The following TAF1B variants were observed in gnomAD, a reference collection of about 807,000 sequenced individuals.
TAF1B encodes TATA box-binding protein-associated factor RNA polymerase I subunit B.
Under a neutral mutation model 83.9 loss-of-function variants are expected in TAF1B, and 61 were observed. The ratio of observed to expected loss-of-function variants is 0.73; its 90% CI spans 0.59 to 0.90. The LOEUF (loss-of-function observed/expected upper bound fraction) is 0.90, where lower values mean the gene tolerates loss of function less well. Ranked by LOEUF, TAF1B falls within the 40% of genes least tolerant of loss-of-function variation. TAF1B has a pLI of 0.00. For synonymous variants in TAF1B, 221 were observed against 224.6 expected (o/e 0.98, Z 0.14); for missense variants, 625 against 677.0 (o/e 0.92, Z 0.85).
At chr2:9,913,371 A>G (rs1665590484) in intron 12 of TAF1B, 122 bp downstream of exon 12, 2 of 707,480 alleles carry the variant, frequency 2.8e-6, no homozygotes, top group Non-Finnish European at 2.4e-6. Context: ...TTCTGGAAAT[A>G]TTAGCCCTAC....
chr2:9,913,376 C>A (rs1665590728), intron 12 of TAF1B, 127 bp downstream of exon 12: 2 of 643,766 alleles, frequency 3.1e-6, no homozygotes, highest in Non-Finnish European at 5.3e-6. Context: ...GAAATATTAG[C>A]CCTACACTCT....
At chr2:9,931,932 T>C (rs2125187987) in intron 14 of TAF1B, among the ~76,000 whole-genome samples, 1 of 152,354 alleles carries the variant, frequency 6.6e-6, no homozygotes, top group African/African-American at 2.4e-5. Context: ...CAATCACTGA[T>C]ACCCTTTCTT....
chr2:9,903,330 C>T, intron 8 of TAF1B, among the ~76,000 whole-genome samples: 1 of 152,096 alleles, frequency 6.6e-6, no homozygotes, highest in East Asian at 1.9e-4. Flanking sequence ...CATGATCCGC[C>T]CGGCTCGGCC....
At chr2:9,872,556 T>C (rs928955978) in intron 6 of TAF1B, among the ~76,000 whole-genome samples, 1 of 152,184 alleles carries the variant, frequency 6.6e-6, no homozygotes, top group Non-Finnish European at 1.5e-5. Context: ...CCTATCTGTA[T>C]GCTTTCTGAC....
chr2:9,918,363 A>G (rs1665755912), intron 12 of TAF1B, among the ~76,000 whole-genome samples: 1 of 152,168 alleles, frequency 6.6e-6, no homozygotes, highest in Non-Finnish European at 1.5e-5. Context: ...GGAGTCTGGA[A>G]CTGATCACCC....
intron 2 of TAF1B, among the ~76,000 whole-genome samples, chr2:9,848,432 CGAGGTGGGCAGATCACCT>C (rs1158491442): frequency 6.6e-6 from 1 of 152,026 alleles, no homozygotes; most frequent in Admixed American, 6.6e-5. Flanking sequence ...TTTGGGAGAC[CGAGGTGGGCAGATCACCT>C]GAGGTTGGGA....
At chr2:9,911,045 T>C in intron 10 of TAF1B, 132 bp downstream of exon 10, 2 of 713,498 alleles carry the variant, frequency 2.8e-6, no homozygotes, top group Middle Eastern at 4.1e-4. Context: ...ATTTACCTAA[T>C]TATATGTTAT....
At chr2:9,851,311 G>GT (rs1381720244) in intron 3 of TAF1B, among the ~76,000 whole-genome samples, 1 of 151,818 alleles carries the variant, frequency 6.6e-6, no homozygotes, top group Non-Finnish European at 1.5e-5. Context: ...AAAATATTTA[G>GT]TTTCAGCATT....
intron 7 of TAF1B, among the ~76,000 whole-genome samples, chr2:9,881,314 G>A (rs1436220882): frequency 6.6e-6 from 1 of 151,944 alleles, no homozygotes; most frequent in Non-Finnish European, 1.5e-5. Context: ...CTCCAGGCTG[G>A]GCGACAGTGA....
chr2:9,927,402 G>A (rs1041777308), intron 14 of TAF1B, among the ~76,000 whole-genome samples: 1 of 152,132 alleles, frequency 6.6e-6, no homozygotes, highest in Non-Finnish European at 1.5e-5. Context: ...GGGATCACTG[G>A]GTCAAACTGT....
chr2:9,933,256 G>A (rs1388081331), intron 14 of TAF1B, among the ~76,000 whole-genome samples: 2 of 152,230 alleles, frequency 1.3e-5, no homozygotes, highest in African/African-American at 2.4e-5. Flanking sequence ...GGGAGCTGCA[G>A]ACCAGAGCTG....
At chr2:9,850,027 A>ATGTGTGTG (rs3032347) in intron 3 of TAF1B, among the ~76,000 whole-genome samples, 4 of 123,498 alleles carry the variant, frequency 3.2e-5, no homozygotes, top group African/African-American at 1.0e-4. Context: ...ATATATATAT[A>ATGTGTGTG]TGTGTGTGTG....
chr2:9,918,975 T>G (rs945987810), intron 12 of TAF1B, 66 bp from the exon 13 acceptor site: 21 of 1,344,510 alleles, frequency 1.6e-5, no homozygotes, highest in Non-Finnish European at 2.2e-5. Context: ...CAGATAGTGC[T>G]TCAGACAATG....
intron 7 of TAF1B, among the ~76,000 whole-genome samples, chr2:9,877,488 A>C (rs750375803): frequency 2.6e-5 from 4 of 152,060 alleles, no homozygotes; most frequent in Non-Finnish European, 5.9e-5. Flanking sequence ...AACTCACAGA[A>C]CCATTCTTCT....
At chr2:9,845,934 G>C (rs1356166923) in intron 2 of TAF1B, 1 of 364,460 alleles carries the variant, frequency 2.7e-6, no homozygotes, top group South Asian at 2.3e-5. Context: ...AGTGAGACGA[G>C]ATCACGCCAC....
At chr2:9,855,874 A>G (rs1242686312) in intron 5 of TAF1B, among the ~76,000 whole-genome samples, 2 of 152,212 alleles carry the variant, frequency 1.3e-5, no homozygotes, top group East Asian at 3.8e-4. Context: ...AAAGTAAAAA[A>G]CAGTATGGTT....
intron 7 of TAF1B, among the ~76,000 whole-genome samples, chr2:9,879,790 T>C (rs1410357986): frequency 2.6e-5 from 4 of 152,300 alleles, no homozygotes; most frequent in East Asian, 3.9e-4. Context: ...AATTTATATA[T>C]AATAAAATGC....
At chr2:9,884,495 A>G (rs1343332770) in intron 8 of TAF1B, among the ~76,000 whole-genome samples, 2 of 152,182 alleles carry the variant, frequency 1.3e-5, no homozygotes, top group African/African-American at 4.8e-5. Flanking sequence ...GATGAAGAGG[A>G]GCTTTATTGA....
intron 9 of TAF1B, among the ~76,000 whole-genome samples, chr2:9,909,370 G>C (rs1210199532): frequency 6.6e-6 from 1 of 152,240 alleles, no homozygotes; most frequent in Non-Finnish European, 1.5e-5. Context: ...GTTCTTAGAG[G>C]AGGTCACTGG....
Sources: gnomAD v4.1 joint callset for allele counts (sites outside exome capture counted in the v4.1 genomes callset) on GRCh38, gnomAD v4.1.1 for gene constraint, MANE v1.5 for transcripts, NCBI Gene and HGNC (gene_info 2026-07-23, HGNC 2026-07-21) for gene names.